Variants in ANKRD36B observed in about 807,000 individuals in gnomAD.
ANKRD36B encodes the protein ankyrin repeat domain 36B.
ANKRD36B carries 37 observed loss-of-function variants against 135.7 expected under a neutral mutation model. The ratio of observed to expected loss-of-function variants is 0.27; its 90% CI spans 0.21 to 0.36. The LOEUF is 0.36. Among genes scored for constraint, ANKRD36B ranks in the 10% least tolerant of loss-of-function variants. ANKRD36B has a pLI of 1.00. For synonymous variants in ANKRD36B, 179 were observed against 348.1 expected (o/e 0.51, Z 5.41); for missense variants, 549 against 1,037.1 (o/e 0.53, Z 6.46).
chr2:97,537,560 T>C (rs2078951414), intron 32 of ANKRD36B, among the ~76,000 whole-genome samples: 1 of 97,236 alleles, frequency 1.0e-5, no homozygotes, highest in African/African-American at 3.1e-5. Context: ...ACAGTAGTCA[T>C]TGGAGCAGCC....
intron 6 of ANKRD36B, among the ~76,000 whole-genome samples, chr2:97,561,167 G>A: frequency 6.6e-6 from 1 of 151,868 alleles, no homozygotes; most frequent in East Asian, 1.9e-4. Flanking sequence ...GAGGACAAAT[G>A]TGATCTAAAA....
intron 28 of ANKRD36B, 140 bp downstream of exon 28, chr2:97,541,771 A>C (rs2079161117): frequency 1.3e-6 from 1 of 761,374 alleles, no homozygotes; most frequent in African/African-American, 1.8e-5. Context: ...GGGTCACCCG[A>C]GGACTTATTA....
chr2:97,538,522 T>C (rs58978057), intron 30 of ANKRD36B, among the ~76,000 whole-genome samples, 159 bp from the exon 31 acceptor site: 5,023 of 96,388 alleles, frequency 0.052, 1,527 homozygotes, highest in African/African-American at 0.15. Flanking sequence ...CATGAGGAAA[T>C]ATGCTGAAGA....
intron 22 of ANKRD36B, among the ~76,000 whole-genome samples, chr2:97,546,374 G>C (rs972620180): frequency 2.0e-5 from 3 of 151,726 alleles, no homozygotes; most frequent in African/African-American, 7.3e-5. Flanking sequence ...CAGTGGAAGT[G>C]TCCTAAATTG....
intron 35 of ANKRD36B, 129 bp downstream of exon 35, chr2:97,532,182 G>A: frequency 2.1e-6 from 1 of 478,778 alleles, no homozygotes; most frequent in African/African-American, 2.2e-5. Flanking sequence ...TTTTTAAAAT[G>A]AAATATTAAA....
intron 35 of ANKRD36B, among the ~76,000 whole-genome samples, chr2:97,527,821 G>A (rs2078304968): frequency 1.0e-5 from 1 of 96,022 alleles, no homozygotes; most frequent in Non-Finnish European, 2.8e-5. Context: ...ATTACATAAT[G>A]GTAAAGGGAT....
rs1273212955 is a variant in ANKRD36B, at chr2:97,589,803, C to G, written c.-118G>C. 6.6e-7 allele frequency: 1 copy of G among 1,518,506 alleles called. No individual in the cohort carries two copies. The highest frequency in any genetic ancestry group is 9.0e-7 in the Non-Finnish European group (1 of 1,109,148). The allele number at this position is 1,518,506 out of a possible 1,614,324, so 94.1% of individuals were successfully genotyped here. On this transcript the variant is annotated 5_prime_UTR_variant, in exon 1 of 44. Transcript: ENST00000359901. ...GCCGCCTCCGAAGAGCAACAACAGG[C>G]AAAGCAGTCTGTGCACGGACCTCCG...
chr2:97,564,742 T>A (rs1200112093), intron 6 of ANKRD36B, among the ~76,000 whole-genome samples: 1 of 152,190 alleles, frequency 6.6e-6, no homozygotes, highest in Non-Finnish European at 1.5e-5. Flanking sequence ...ATATCTCTTT[T>A]GGTACCAGTA....
Position 97,551,282 on chromosome 2 carries a change from A to G in ANKRD36B, c.1375+7T>C, listed in dbSNP as rs1211725271. On this transcript the variant is annotated splice_region_variant and intron_variant, in intron 18 of 43. Transcript: ENST00000359901. ...AACATGACATTAAATGTGTTTCGCA[A>G]AATTACCTGTCCTAGATATTTCTCC... 1 of 1,551,724 alleles carries G rather than the reference A, an allele frequency of 6.4e-7. No individual in the cohort carries two copies. The highest frequency in any genetic ancestry group is 1.4e-5 in the African/African-American group (1 of 73,376).
At chr2:97,529,398 G>A (rs1163836636) in intron 35 of ANKRD36B, among the ~76,000 whole-genome samples, 5 of 92,728 alleles carry the variant, frequency 5.4e-5, no homozygotes, top group African/African-American at 1.3e-4. Context: ...TTGATGGGAC[G>A]TATCTCAAAA....
chr2:97,516,211 A>C (rs2077818818), intron 36 of ANKRD36B, among the ~76,000 whole-genome samples: 1 of 63,424 alleles, frequency 1.6e-5, no homozygotes, highest in African/African-American at 4.6e-5. Context: ...AAAAAAAAAA[A>C]AAACATAGTT....
intron 12 of ANKRD36B, among the ~76,000 whole-genome samples, chr2:97,556,448 C>T (rs180854421): frequency 6.6e-6 from 1 of 151,982 alleles, no homozygotes; most frequent in East Asian, 1.9e-4. Flanking sequence ...ATAACTTCTT[C>T]CTTCCCCTCT....
chr2:97,541,140 C>T (rs1455886311), intron 28 of ANKRD36B, among the ~76,000 whole-genome samples: 1 of 96,168 alleles, frequency 1.0e-5, no homozygotes, highest in African/African-American at 3.1e-5. Context: ...CTATTTTACC[C>T]AAGAGTTAGC....
chr2:97,570,126 T>C (rs1388994739), intron 6 of ANKRD36B, among the ~76,000 whole-genome samples: 2 of 152,236 alleles, frequency 1.3e-5, no homozygotes, highest in Non-Finnish European at 2.9e-5. Flanking sequence ...TAGTAACTTC[T>C]GTACAGAGAC....
intron 20 of ANKRD36B, among the ~76,000 whole-genome samples, chr2:97,549,210 G>C (rs1344849605): frequency 6.6e-6 from 1 of 151,430 alleles, no homozygotes; most frequent in African/African-American, 2.4e-5. Flanking sequence ...ATGTGGGGAA[G>C]TGTATAATCT....
chr2:97,524,006 A>G lies in ANKRD36B; in HGVS notation c.2266-539T>C, dbSNP rs2078062729. On this transcript the variant is annotated intron_variant, in intron 35 of 43. Transcript: ENST00000359901. ...GCATATATCACTTAATTCCACTTCT[A>G]GACATACTGCTGATGTTCTGTCACC... The G allele has an allele frequency of 4.5e-5, 3 of 67,112 alleles. 1 individual carries two copies. The East Asian group carries it at 8.4e-4, about 19-fold the overall frequency. 4.2% of individuals were successfully genotyped at this position (67,112 alleles called of 1,614,324 possible).
chr2:97,558,201 C>T (rs2080702044), intron 10 of ANKRD36B, among the ~76,000 whole-genome samples: 1 of 151,998 alleles, frequency 6.6e-6, no homozygotes, highest in African/African-American at 2.4e-5. Flanking sequence ...TCTAGTACTC[C>T]TTCCTGCTTC....
Position 97,514,030 on chromosome 2 carries a change from G to A in ANKRD36B, c.2622-667C>T, listed in dbSNP as rs1156259759. ...AATGTATAAAACCAAGCTGCACCCC[G>A]ACCACTTCGGGCACATGTTCTCAGG... On this transcript the variant is annotated intron_variant, in intron 37 of 43. Coordinates refer to ENST00000359901, the MANE Select transcript of ANKRD36B (RefSeq NM_001393939.1). 1.5e-3 allele frequency among the ~76,000 whole-genome samples: 200 copies of A among 129,970 alleles called. 3 individuals are homozygous for A. Among genetic ancestry groups the A allele is most frequent in the Non-Finnish European group, 1.9e-3 (123 of 64,268 alleles). 85.3% of individuals were successfully genotyped at this position (129,970 alleles called of 152,430 possible). A position where few individuals can be genotyped will look rare whatever the true frequency, so the allele number is the denominator to read the frequency against.
At chr2:97,536,635 A>C in intron 32 of ANKRD36B, 139 bp from the exon 33 acceptor site, 1 of 412,738 alleles carries the variant, frequency 2.4e-6, no homozygotes, top group African/African-American at 2.3e-5. Context: ...TTTCTTTGGG[A>C]CAGTAACATG....
Sources: allele counts gnomAD v4.1 joint callset (sites outside exome capture counted in the v4.1 genomes callset), GRCh38; gene constraint gnomAD v4.1.1; transcripts MANE v1.5; gene names NCBI Gene and HGNC (gene_info 2026-07-23, HGNC 2026-07-21).